Variants in ZNF429 observed in about 807,000 individuals in gnomAD.
ZNF429 encodes zinc finger protein 429.
In ZNF429, 53 loss-of-function variants were observed where a neutral mutation model predicts 56.8. The observed-to-expected ratio is 0.93, with a 90% CI of 0.75 to 1.17. The LOEUF is 1.17. Ranked by LOEUF, ZNF429 falls within the 50% of genes most tolerant of loss-of-function variation. The pLI is 0.00. For synonymous variants in ZNF429, 278 were observed against 264.7 expected, an observed-to-expected ratio of 1.05 and a Z score of -0.49; for missense variants, 849 against 788.4, an observed-to-expected ratio of 1.08 and a Z score of -0.92.
chr19:21,506,439 C>CAAAA (rs368469112), intron 1 of ZNF429, among the ~76,000 whole-genome samples: 1 of 41,440 alleles, frequency 2.4e-5, no homozygotes, highest in Non-Finnish European at 4.2e-5. Flanking sequence ...GAGACTATCT[C>CAAAA]AAACAAAAAA....
At chr19:21,513,317 C>T (rs1190417127) in intron 1 of ZNF429, among the ~76,000 whole-genome samples, 1 of 152,138 alleles carries the variant, frequency 6.6e-6, no homozygotes, top group Non-Finnish European at 1.5e-5. Context: ...TACATTTCTT[C>T]CATTTGACTT....
chr19:21,508,684 A>G (rs1281625428), intron 1 of ZNF429, among the ~76,000 whole-genome samples: 1 of 126,604 alleles, frequency 7.9e-6, no homozygotes, highest in Non-Finnish European at 1.6e-5. Flanking sequence ...GAGTGAGTTT[A>G]GAAATTTTCT....
Position 21,536,875 on chromosome 19 carries a change from C to A in ZNF429, c.822C>A (p.Thr274=), listed in dbSNP as rs769181825. The A allele has an allele frequency of 6.2e-7, 1 of 1,610,346 alleles. No individual in the cohort carries two copies. The highest frequency in any genetic ancestry group is 1.1e-5 in the South Asian group (1 of 90,828). Reference sequence around the variant, plus strand: ...TTAGCAGGTACTCAACCCTTACTACCCATAAGAGAATTCATTCTGGAGAGA... The same window carrying A: ...TTAGCAGGTACTCAACCCTTACTACACATAAGAGAATTCATTCTGGAGAGA... The part of the protein sequence containing the change: ...KAFSRYSTLT[T]HKRIHSGEKP... Residue 274 remains threonine, a synonymous_variant, in exon 4 of 4, where the codon ACC becomes ACA. Coordinates refer to ENST00000358491, the MANE Select transcript of ZNF429 (RefSeq NM_001001415.4).
At position 21,532,590 on chromosome 19, in the gene ZNF429, T is replaced by C; in HGVS notation, c.226+1906T>C. Among the ~76,000 whole-genome samples the C allele has an allele frequency of 2.6e-5, 4 of 152,144 alleles. No individual in the cohort carries two copies. The East Asian group carries it at 5.8e-4, about 22-fold the overall frequency. On this transcript the variant is annotated intron_variant, in intron 3 of 3. Coordinates refer to ENST00000358491, the MANE Select transcript of ZNF429 (RefSeq NM_001001415.4). The stretch of plus-strand genomic sequence containing the variant: ...AGATTATGCAGTATATTATATGCCA[T>C]GAAGAGGGTTTTGGCTCACTGTAAG...
At chr19:21,513,810 T>C (rs1382805199) in intron 1 of ZNF429, among the ~76,000 whole-genome samples, 2 of 150,998 alleles carry the variant, frequency 1.3e-5, no homozygotes, top group African/African-American at 4.9e-5. Context: ...GATGACAGAC[T>C]CCCTTTTCCT....
At chr19:21,526,183 C>A (rs1285258838) in intron 1 of ZNF429, among the ~76,000 whole-genome samples, 1 of 149,746 alleles carries the variant, frequency 6.7e-6, no homozygotes, top group Non-Finnish European at 1.5e-5. Context: ...TTCACTTTGA[C>A]TTTTTTTTTT....
intron 1 of ZNF429, among the ~76,000 whole-genome samples, chr19:21,512,085 C>G (rs1034804686): frequency 6.6e-6 from 1 of 151,254 alleles, no homozygotes; most frequent in African/African-American, 2.5e-5. Context: ...GAGAGGGAGA[C>G]CGTGGGGAGA....
chr19:21,506,462 G>A (rs1411836867), intron 1 of ZNF429, among the ~76,000 whole-genome samples: 14 of 96,762 alleles, frequency 1.4e-4, no homozygotes, highest in Non-Finnish European at 2.4e-4. Context: ...AAAAAAAAAA[G>A]GGGAGTCACT....
intron 3 of ZNF429, among the ~76,000 whole-genome samples, chr19:21,531,390 T>C: frequency 6.6e-6 from 1 of 152,100 alleles, no homozygotes; most frequent in Non-Finnish European, 1.5e-5. Flanking sequence ...TTATAAAAAA[T>C]TGAAGAGGTG....
At chr19:21,533,806 A>G in intron 3 of ZNF429, among the ~76,000 whole-genome samples, 1 of 152,040 alleles carries the variant, frequency 6.6e-6, no homozygotes, top group African/African-American at 2.4e-5. Flanking sequence ...GGTGTATGCC[A>G]CCACACCTGG....
chr19:21,516,338 C>T (rs1374677915), intron 1 of ZNF429, among the ~76,000 whole-genome samples: 3 of 152,272 alleles, frequency 2.0e-5, no homozygotes, highest in East Asian at 1.9e-4. Flanking sequence ...CCACCCGCCT[C>T]AGCCTCCCAA....
intron 1 of ZNF429, among the ~76,000 whole-genome samples, chr19:21,524,551 G>C (rs2033098590): frequency 6.6e-6 from 1 of 151,786 alleles, no homozygotes; most frequent in South Asian, 2.1e-4. Context: ...AGTGAACACT[G>C]TAGTAGAGTA....
Position 21,537,044 on chromosome 19 carries a change from C to A in ZNF429, c.991C>A (p.His331Asn). The A allele has an allele frequency of 6.2e-7, 1 of 1,614,014 alleles. No individual in the cohort carries two copies. ...TAACCGGTCCTCAACCCTTACTAGCCATAAGAGAATACATACTGGTGAGAA... is the reference window on the plus strand; with the variant it reads ...TAACCGGTCCTCAACCCTTACTAGCAATAAGAGAATACATACTGGTGAGAA... Reference protein sequence around the residue: ...AFNRSSTLTSHKRIHTGEKPY... With the variant: ...AFNRSSTLTSNKRIHTGEKPY... The change falls in exon 4 of 4, where the codon CAT (histidine) becomes AAT (asparagine). Residue 331 changes from histidine (H) to asparagine (N), a missense_variant. Coordinates refer to ENST00000358491, the MANE Select transcript of ZNF429 (RefSeq NM_001001415.4).
intron 1 of ZNF429, chr19:21,505,999 G>T: frequency 2.3e-6 from 1 of 432,462 alleles, no homozygotes; most frequent in Non-Finnish European, 4.4e-6. Flanking sequence ...TGTGCCTGAC[G>T]TGTAGCCCTG....
chr19:21,535,448 C>T, intron 3 of ZNF429, among the ~76,000 whole-genome samples: 2 of 54,426 alleles, frequency 3.7e-5, no homozygotes, highest in Non-Finnish European at 7.1e-5. Flanking sequence ...TTCTTTCTTT[C>T]TTTCTTTCTT....
intron 1 of ZNF429, among the ~76,000 whole-genome samples, chr19:21,509,195 CAG>C (rs1362256668): frequency 2.0e-5 from 3 of 152,212 alleles, no homozygotes; most frequent in South Asian, 4.1e-4. Flanking sequence ...TTAGTAGAGA[CAG>C]GGTTTCGCCG....
chr19:21,537,089 T>C lies in ZNF429; in HGVS notation c.1036T>C (p.Cys346Arg), dbSNP rs776421164. Residue 346 changes from cysteine (C) to arginine (R), a missense_variant, in exon 4 of 4, where the codon TGT becomes CGT. Coordinates refer to ENST00000358491, the MANE Select transcript of ZNF429 (RefSeq NM_001001415.4). Reference protein sequence around the residue: ...TGEKPYKCEECGKAFNWSSTL... With the variant: ...TGEKPYKCEERGKAFNWSSTL... Reference sequence around the variant, plus strand: ...TGAGAAACCCTACAAATGTGAAGAATGTGGCAAAGCCTTTAACTGGTCTTC... The same window carrying C: ...TGAGAAACCCTACAAATGTGAAGAACGTGGCAAAGCCTTTAACTGGTCTTC... The C allele has an allele frequency of 1.2e-6, 2 of 1,613,952 alleles. No individual in the cohort carries two copies. The highest frequency in any genetic ancestry group is 1.7e-6 in the Non-Finnish European group (2 of 1,179,918).
chr19:21,537,948 G>C lies in ZNF429; in HGVS notation c.1895G>C (p.Arg632Pro). Residue 632 changes from arginine to proline, a missense_variant, in exon 4 of 4, where the codon CGG becomes CCG. Arg to Pro is a moderately radical substitution (Grantham distance 103). Coordinates refer to ENST00000358491, the MANE Select transcript of ZNF429 (RefSeq NM_001001415.4). ...KCEECAKAFT[R>P]SSRLTQHKKI... ...GAAGAATGTGCCAAAGCTTTTACCC[G>C]GTCTTCAAGACTTACTCAACATAAG... is the stretch of plus-strand genomic sequence containing the variant. The C allele has an allele frequency of 5.6e-6, 9 of 1,613,818 alleles. No homozygotes were observed. The highest frequency in any genetic ancestry group is 7.6e-6 in the Non-Finnish European group (9 of 1,179,926).
intron 1 of ZNF429, among the ~76,000 whole-genome samples, chr19:21,514,014 G>A (rs1307864810): frequency 6.6e-6 from 1 of 152,132 alleles, no homozygotes; most frequent in Admixed American, 6.5e-5. Flanking sequence ...GACACAATCT[G>A]CAACAGCAAC....
Sources: allele counts gnomAD v4.1 joint callset (sites outside exome capture counted in the v4.1 genomes callset), GRCh38; gene constraint gnomAD v4.1.1; transcripts MANE v1.5; gene names NCBI Gene and HGNC (gene_info 2026-07-23, HGNC 2026-07-21).